Variants in NREP observed in about 807,000 individuals in gnomAD.
NREP encodes neuronal regeneration related protein.
Under a neutral mutation model 8.6 loss-of-function variants are expected in NREP, and 5 were observed. The ratio of observed to expected loss-of-function variants is 0.58; its 90% CI spans 0.30 to 1.22. The LOEUF is 1.22. NREP is among the 50% of genes most tolerant of loss of function. NREP has a pLI of 0.07. For missense variants in NREP, 86 were observed against 82.5 expected, an observed-to-expected ratio of 1.04 and a Z score of -0.17; for synonymous variants, 27 against 28.0, an observed-to-expected ratio of 0.96 and a Z score of 0.11.
chr5:111,740,511 T>C (rs941283956), intron 2 of NREP, among the ~76,000 whole-genome samples: 1 of 152,092 alleles, frequency 6.6e-6, no homozygotes, highest in Admixed American at 6.6e-5. Flanking sequence ...CAGTGCATCA[T>C]GAAAAATAAC....
chr5:111,912,499 T>C (rs754359682), intron 2 of NREP: 1 of 152,116 alleles, frequency 6.6e-6, no homozygotes, highest in Non-Finnish European at 1.5e-5. Flanking sequence ...AAAATGATCT[T>C]TACTTCAACT....
intron 2 of NREP, among the ~76,000 whole-genome samples, chr5:111,823,773 A>G (rs1381999128): frequency 6.6e-6 from 1 of 152,172 alleles, no homozygotes; most frequent in African/African-American, 2.4e-5. Flanking sequence ...GAGTAATTCA[A>G]TGTGTCTTCT....
intron 2 of NREP, among the ~76,000 whole-genome samples, chr5:111,929,652 T>C (rs1291066712): frequency 1.3e-5 from 2 of 152,218 alleles, no homozygotes; most frequent in Non-Finnish European, 2.9e-5. Flanking sequence ...ATCCACACAG[T>C]AACCTTTACA....
At chr5:111,863,366 C>T (rs921601346) in intron 2 of NREP, among the ~76,000 whole-genome samples, 3 of 151,964 alleles carry the variant, frequency 2.0e-5, no homozygotes, top group African/African-American at 7.3e-5. Context: ...GTGGGATATA[C>T]CCATAAATAT....
At chr5:111,881,018 C>T (rs574575188) in intron 2 of NREP, among the ~76,000 whole-genome samples, 4 of 152,152 alleles carry the variant, frequency 2.6e-5, no homozygotes, top group South Asian at 2.1e-4. Context: ...CGAAGCAGGG[C>T]GAGGCATTGC....
intron 2 of NREP, among the ~76,000 whole-genome samples, chr5:111,865,072 C>T (rs1045246295): frequency 4.6e-5 from 7 of 152,068 alleles, no homozygotes; most frequent in Admixed American, 6.6e-5. Context: ...GTACCTGCCT[C>T]GTTCTGAAGC....
chr5:111,872,733 A>T (rs1753818018), intron 2 of NREP, among the ~76,000 whole-genome samples: 1 of 152,194 alleles, frequency 6.6e-6, no homozygotes, highest in African/African-American at 2.4e-5. Context: ...GCATACTGGT[A>T]ACTGCTTGTT....
intron 2 of NREP, among the ~76,000 whole-genome samples, chr5:111,857,597 A>G (rs1753453033): frequency 6.6e-6 from 1 of 152,084 alleles, no homozygotes; most frequent in South Asian, 2.1e-4. Flanking sequence ...GTAGGTGATC[A>G]ATAAAATATC....
chr5:111,905,255 C>A (rs190506429), intron 2 of NREP, among the ~76,000 whole-genome samples: 1 of 152,106 alleles, frequency 6.6e-6, no homozygotes, highest in East Asian at 1.9e-4. Flanking sequence ...TGGTAGATCA[C>A]GTGGTAAGAC....
At chr5:111,790,030 G>A (rs1354867908) in intron 2 of NREP, among the ~76,000 whole-genome samples, 2 of 152,028 alleles carry the variant, frequency 1.3e-5, no homozygotes, top group Non-Finnish European at 2.9e-5. Context: ...CAGCCATCAA[G>A]TAGTTTTCTT....
At chr5:111,741,824 T>TACATACACACAG (rs1554095238) in intron 2 of NREP, among the ~76,000 whole-genome samples, 2 of 73,438 alleles carry the variant, frequency 2.7e-5, no homozygotes, top group African/African-American at 8.1e-5. Context: ...AACACACACA[T>TACATACACACAG]ACACACACAC....
At chr5:111,814,104 A>T (rs752112791) in intron 2 of NREP, among the ~76,000 whole-genome samples, 33 of 152,054 alleles carry the variant, frequency 2.2e-4, no homozygotes, top group Non-Finnish European at 3.1e-4. Context: ...TTGTTGCAGA[A>T]GTATTTGTCT....
chr5:111,785,125 G>A (rs1030946284), intron 2 of NREP, among the ~76,000 whole-genome samples: 33 of 152,108 alleles, frequency 2.2e-4, no homozygotes, highest in African/African-American at 7.5e-4. Context: ...TCTTCCAAGC[G>A]CCAATCCATC....
Position 111,729,585 on chromosome 5 carries a change from A to G in NREP, c.*1336T>C, listed in dbSNP as rs1748367521. The G allele has an allele frequency of 6.5e-6, 1 of 152,696 alleles. No individual in the cohort carries two copies. The highest frequency in any genetic ancestry group is 2.4e-5 in the African/African-American group (1 of 41,468). The allele number at this position is 152,696 out of a possible 1,614,324, so 9.5% of individuals were successfully genotyped here. On this transcript the variant is annotated 3_prime_UTR_variant, in exon 4 of 4. Coordinates refer to ENST00000257435, the MANE Select transcript of NREP (RefSeq NM_004772.4). Reference sequence around the variant, plus strand: ...AGAAGAAAACGAAGAAGTGCAGTGCATGCGTCATCGGTGTTTAACAGTCAG... The same window carrying G: ...AGAAGAAAACGAAGAAGTGCAGTGCGTGCGTCATCGGTGTTTAACAGTCAG...
chr5:111,918,294 T>C (rs1391309789), intron 2 of NREP, among the ~76,000 whole-genome samples: 1 of 152,164 alleles, frequency 6.6e-6, no homozygotes, highest in Admixed American at 6.6e-5. Context: ...AAATAATTTA[T>C]AGATTCAATG....
chr5:111,961,566 T>C (rs1219720436), intron 2 of NREP, among the ~76,000 whole-genome samples: 1 of 152,212 alleles, frequency 6.6e-6, no homozygotes, highest in Non-Finnish European at 1.5e-5. Context: ...TCAAAGGGTT[T>C]TTATATGGTA....
chr5:111,931,521 T>G (rs141657215), intron 2 of NREP, among the ~76,000 whole-genome samples: 1 of 152,244 alleles, frequency 6.6e-6, no homozygotes, highest in Non-Finnish European at 1.5e-5. Flanking sequence ...ATGATTGCAG[T>G]CTCTGCCTAC....
chr5:111,835,921 T>C (rs1481389346), intron 2 of NREP, among the ~76,000 whole-genome samples: 2 of 152,052 alleles, frequency 1.3e-5, no homozygotes, highest in Non-Finnish European at 2.9e-5. Flanking sequence ...TAGAAAGATA[T>C]GCAAAAAGAA....
At chr5:111,952,890 A>C (rs1172952914) in intron 2 of NREP, among the ~76,000 whole-genome samples, 1 of 152,118 alleles carries the variant, frequency 6.6e-6, no homozygotes, top group Non-Finnish European at 1.5e-5. Flanking sequence ...TAGGAATGGG[A>C]ATGTGAAAGG....
Sources: gnomAD v4.1 joint callset for allele counts (sites outside exome capture counted in the v4.1 genomes callset) on GRCh38, gnomAD v4.1.1 for gene constraint, MANE v1.5 for transcripts, NCBI Gene and HGNC (gene_info 2026-07-23, HGNC 2026-07-21) for gene names.